The following NCOA2 variants were observed in gnomAD, a reference collection of about 807,000 sequenced individuals.
NCOA2 encodes the protein class E basic helix-loop-helix protein 75.
NCOA2 carries 21 observed loss-of-function variants against 145.1 expected under a neutral mutation model. The observed-to-expected ratio is 0.14, with a 90% confidence interval of 0.10 to 0.21. NCOA2 has a LOEUF of 0.21. Among genes scored for constraint, NCOA2 ranks in the 10% least tolerant of loss-of-function variants. NCOA2 has a pLI of 1.00. For missense variants in NCOA2, 1,472 were observed against 1,837.6 expected (o/e 0.80, Z 3.64); for synonymous variants, 619 against 637.5 (o/e 0.97, Z 0.44).
chr8:70,282,348 T>C (rs1352424334), intron 2 of NCOA2, among the ~76,000 whole-genome samples: 1 of 152,154 alleles, frequency 6.6e-6, no homozygotes, highest in Admixed American at 6.5e-5. Context: ...AGGATAACCT[T>C]ATTATGGGTC....
intron 1 of NCOA2, among the ~76,000 whole-genome samples, chr8:70,344,732 G>A (rs1808463483): frequency 6.6e-6 from 1 of 152,162 alleles, no homozygotes; most frequent in Non-Finnish European, 1.5e-5. Context: ...GAGTGCTCCA[G>A]CTACAGTAAA....
At chr8:70,416,192 T>TG in the NCOA2 span, among the ~76,000 whole-genome samples, 1 of 141,420 alleles carries the variant, frequency 7.1e-6, no homozygotes, top group South Asian at 2.2e-4. Flanking sequence ...CCTCAGTTTT[T>TG]TTGTTTTTTT....
At chr8:70,453,674 T>A in the NCOA2 span, among the ~76,000 whole-genome samples, 1 of 152,234 alleles carries the variant, frequency 6.6e-6, no homozygotes. Flanking sequence ...CTATTCTGCC[T>A]GAAATTGTCA....
chr8:70,396,431 TC>T (rs1169727354), intron 1 of NCOA2, among the ~76,000 whole-genome samples: 1 of 152,208 alleles, frequency 6.6e-6, no homozygotes, highest in African/African-American at 2.4e-5. Flanking sequence ...CTATGTTACT[TC>T]AATAAAGCAC....
At chr8:70,299,718 C>T (rs1177979190) in intron 1 of NCOA2, among the ~76,000 whole-genome samples, 1 of 152,118 alleles carries the variant, frequency 6.6e-6, no homozygotes, top group Non-Finnish European at 1.5e-5. Context: ...GTAGAAAATG[C>T]AATAGTACAG....
intron 1 of NCOA2, among the ~76,000 whole-genome samples, chr8:70,393,463 C>CTTGGTAGGT (rs1386740866): frequency 6.6e-6 from 1 of 152,156 alleles, no homozygotes; most frequent in Non-Finnish European, 1.5e-5. Flanking sequence ...ATCTACCTAC[C>CTTGGTAGGT]AAAGGCTCCC....
At chr8:70,364,933 G>C (rs1001792065) in intron 1 of NCOA2, among the ~76,000 whole-genome samples, 1 of 151,616 alleles carries the variant, frequency 6.6e-6, no homozygotes, top group East Asian at 1.9e-4. Flanking sequence ...AAGTGTTTCT[G>C]CAAGTCTAGG....
chr8:70,152,948 T>C (rs1375586265), intron 11 of NCOA2, among the ~76,000 whole-genome samples: 1 of 152,244 alleles, frequency 6.6e-6, no homozygotes, highest in African/African-American at 2.4e-5. Flanking sequence ...AAGTCTTCAA[T>C]AAGTTTGTAC....
intron 1 of NCOA2, among the ~76,000 whole-genome samples, chr8:70,322,667 C>T (rs988867015): frequency 2.6e-5 from 4 of 152,114 alleles, no homozygotes; most frequent in African/African-American, 7.2e-5. Context: ...TAACCTCCCT[C>T]GGCCTTAGTT....
At chr8:70,399,233 C>A (rs894678160) in intron 1 of NCOA2, among the ~76,000 whole-genome samples, 2 of 152,130 alleles carry the variant, frequency 1.3e-5, no homozygotes, top group Non-Finnish European at 2.9e-5. Context: ...TTACAGCTTG[C>A]AATTCATAAA....
intron 10 of NCOA2, among the ~76,000 whole-genome samples, chr8:70,158,624 T>C (rs1401855213): frequency 6.6e-6 from 1 of 152,176 alleles, no homozygotes; most frequent in African/African-American, 2.4e-5. Flanking sequence ...GGCTGGCGCA[T>C]GCCTGTAATC....
intron 1 of NCOA2, among the ~76,000 whole-genome samples, chr8:70,365,969 G>A (rs1008996000): frequency 1.3e-5 from 2 of 152,104 alleles, no homozygotes; most frequent in African/African-American, 4.8e-5. Flanking sequence ...AGACAGTGAG[G>A]GAAAATAATG....
At chr8:70,258,218 A>G (rs1823810947) in intron 2 of NCOA2, among the ~76,000 whole-genome samples, 1 of 152,184 alleles carries the variant, frequency 6.6e-6, no homozygotes. Flanking sequence ...GTAATGCCCA[A>G]TGGGCATTTC....
At chr8:70,451,320 G>T in the NCOA2 span, among the ~76,000 whole-genome samples, 56 of 144,656 alleles carry the variant, frequency 3.9e-4, no homozygotes, top group African/African-American at 1.4e-3. Flanking sequence ...AGGCAGGAGG[G>T]TCACTTTTGC....
chr8:70,268,438 CCATT>C (rs1262585511), intron 2 of NCOA2, among the ~76,000 whole-genome samples: 1 of 152,094 alleles, frequency 6.6e-6, no homozygotes, highest in Non-Finnish European at 1.5e-5. Flanking sequence ...TGAACATTTA[CCATT>C]CAGTTTACAG....
chr8:70,251,030 C>A (rs1162491945), intron 2 of NCOA2, among the ~76,000 whole-genome samples: 1 of 152,128 alleles, frequency 6.6e-6, no homozygotes, highest in East Asian at 1.9e-4. Flanking sequence ...AGGCATAGAT[C>A]TGCATAGAAT....
chr8:70,157,988 G>A (rs1343113397), intron 10 of NCOA2, among the ~76,000 whole-genome samples: 1 of 152,214 alleles, frequency 6.6e-6, no homozygotes. Flanking sequence ...TGAGCAAGAT[G>A]ATTTTGCAAG....
chr8:70,174,804 T>G lies in NCOA2; in HGVS notation c.315A>C (p.Thr105=), dbSNP rs1814648728. 1.2e-6 allele frequency: 2 copies of G among 1,613,770 alleles called. No individual in the cohort carries two copies. Among genetic ancestry groups the G allele is most frequent in the Middle Eastern group, 1.6e-4 (1 of 6,062 alleles). ...DEVQKSDVSS[T]GQGVIDKDAL... Reference sequence around the variant, plus strand: ...CATCCTTGTCGATGACACCCTGCCCTGTAGAGGATACATCTGACTTCTGCA... The same window carrying G: ...CATCCTTGTCGATGACACCCTGCCCGGTAGAGGATACATCTGACTTCTGCA... The change falls in exon 5 of 23, where the codon ACA becomes ACC. Residue 105 remains threonine (T), a synonymous_variant. Coordinates refer to ENST00000452400, the MANE Select transcript of NCOA2 (RefSeq NM_006540.4).
At chr8:70,317,857 C>T (rs750334625) in intron 1 of NCOA2, among the ~76,000 whole-genome samples, 7 of 152,046 alleles carry the variant, frequency 4.6e-5, no homozygotes, top group Middle Eastern at 6.8e-3. Context: ...GCCAGGAATT[C>T]GAGGCTGCAG....
Sources: gnomAD v4.1 joint callset for allele counts (sites outside exome capture counted in the v4.1 genomes callset) on GRCh38, gnomAD v4.1.1 for gene constraint, MANE v1.5 for transcripts, NCBI Gene and HGNC (gene_info 2026-07-23, HGNC 2026-07-21) for gene names.